DAPK2: variants seen among roughly 807,000 people sequenced by gnomAD.
The protein encoded by DAPK2 is death associated protein kinase 2, also known as death-associated protein kinase 2.
Under a neutral mutation model 44.1 loss-of-function variants are expected in DAPK2, and 35 were observed. The ratio of observed to expected loss-of-function variants is 0.79; its 90% CI spans 0.61 to 1.05. The LOEUF (loss-of-function observed/expected upper bound fraction) is 1.05, where lower values mean the gene tolerates loss of function less well. DAPK2 is among the 50% of genes least tolerant of loss of function. The pLI is 0.00. For missense variants in DAPK2, 453 were observed against 483.2 expected, an observed-to-expected ratio of 0.94 and a Z score of 0.59; for synonymous variants, 174 against 182.6, an observed-to-expected ratio of 0.95 and a Z score of 0.38.
chr15:64,036,307 G>GTATATATA (rs1233918566), intron 1 of DAPK2, among the ~76,000 whole-genome samples: 28 of 53,136 alleles, frequency 5.3e-4, no homozygotes, highest in Non-Finnish European at 9.5e-4. Flanking sequence ...GTGTGTGTGT[G>GTATATATA]TGTATATATA....
chr15:63,934,562 T>C (rs549278043), intron 4 of DAPK2, among the ~76,000 whole-genome samples: 1 of 151,970 alleles, frequency 6.6e-6, no homozygotes, highest in East Asian at 1.9e-4. Context: ...CAGCCTATTG[T>C]TTTGTTTTGT....
intron 3 of DAPK2, among the ~76,000 whole-genome samples, chr15:63,965,439 G>C (rs1298569728): frequency 1.3e-5 from 2 of 152,186 alleles, no homozygotes; most frequent in East Asian, 3.9e-4. Flanking sequence ...CTTGCCCAAG[G>C]CTTATAACAG....
At chr15:63,941,522 C>T (rs2077307143) in intron 3 of DAPK2, among the ~76,000 whole-genome samples, 1 of 152,204 alleles carries the variant, frequency 6.6e-6, no homozygotes, top group African/African-American at 2.4e-5. Flanking sequence ...TGAATCTGGA[C>T]AGATGCCTTC....
intron 1 of DAPK2, among the ~76,000 whole-genome samples, chr15:64,018,696 C>G (rs928489427): frequency 6.6e-6 from 1 of 152,218 alleles, no homozygotes; most frequent in South Asian, 2.1e-4. Flanking sequence ...AGGATCCTAC[C>G]TGTAGCTACT....
chr15:63,913,085 T>C (rs1242178739), intron 8 of DAPK2, among the ~76,000 whole-genome samples: 1 of 151,204 alleles, frequency 6.6e-6, no homozygotes, highest in African/African-American at 2.4e-5. Flanking sequence ...TTATGTTAAA[T>C]GAAAAAAGCC....
chr15:63,967,361 G>T (rs1486068461), intron 3 of DAPK2, among the ~76,000 whole-genome samples: 1 of 152,072 alleles, frequency 6.6e-6, no homozygotes, highest in African/African-American at 2.4e-5. Context: ...TCTGTCTCCT[G>T]TTTTTACCAA....
At chr15:64,031,164 T>A (rs553184927) in intron 1 of DAPK2, among the ~76,000 whole-genome samples, 1 of 152,218 alleles carries the variant, frequency 6.6e-6, no homozygotes, top group South Asian at 2.1e-4. Context: ...GAAATGGGAA[T>A]GTGATCCAAG....
At chr15:63,935,954 TATC>T (rs2077133445) in intron 4 of DAPK2, 1 of 152,242 alleles carries the variant, frequency 6.6e-6, no homozygotes, top group Admixed American at 6.5e-5. Flanking sequence ...TTTAAAGTTC[TATC>T]ATCCTGTTCT....
rs542283760 is a variant in DAPK2 at position 63,911,770 on chromosome 15, A to G, written c.1032+138T>C. On this transcript the variant is annotated intron_variant, in intron 10 of 10. Transcript: ENST00000261891. The stretch of plus-strand genomic sequence containing the variant: ...AAGATCACACTTCAGCCTTCAGGGA[A>G]GAGGAGGACTGGGCCAGCAGAACTG... 46 of 830,664 alleles carry G rather than the reference A, an allele frequency of 5.5e-5. No individual in the cohort carries two copies. In the East Asian group the frequency reaches 1.1e-3, roughly 20 times the overall value. 51.5% of individuals were successfully genotyped at this position (830,664 alleles called of 1,614,324 possible).
intron 1 of DAPK2, among the ~76,000 whole-genome samples, chr15:63,988,922 G>A (rs1245475044): frequency 1.3e-5 from 2 of 151,862 alleles, no homozygotes; most frequent in African/African-American, 4.8e-5. Context: ...GCTCACACCT[G>A]TCATCCCAGT....
intron 1 of DAPK2, among the ~76,000 whole-genome samples, chr15:63,996,226 G>C (rs1016810411): frequency 2.0e-5 from 3 of 152,154 alleles, no homozygotes; most frequent in African/African-American, 7.2e-5. Flanking sequence ...TTGAGGCCAG[G>C]AGTTGAAGAC....
chr15:64,040,875 C>G (rs981585902), upstream of DAPK2, among the ~76,000 whole-genome samples: 14 of 134,666 alleles, frequency 1.0e-4, no homozygotes, highest in Non-Finnish European at 1.7e-4. Context: ...GATCACACCA[C>G]TGCACTCCAG....
At chr15:63,993,573 G>T (rs182836529) in intron 1 of DAPK2, among the ~76,000 whole-genome samples, 229 of 151,966 alleles carry the variant, frequency 1.5e-3, no homozygotes, top group African/African-American at 5.3e-3. Context: ...CAAAATGTTT[G>T]TGAATTTTTA....
intron 2 of DAPK2, among the ~76,000 whole-genome samples, chr15:63,976,214 G>C (rs1567244965): frequency 6.6e-6 from 1 of 152,210 alleles, no homozygotes; most frequent in African/African-American, 2.4e-5. Flanking sequence ...CTAGATATGT[G>C]CTGTCCAATA....
At chr15:63,982,187 C>CTTTTTTT (rs5813271) in intron 2 of DAPK2, among the ~76,000 whole-genome samples, 1 of 107,874 alleles carries the variant, frequency 9.3e-6, no homozygotes, top group Non-Finnish European at 1.8e-5. Context: ...TCAGAATATT[C>CTTTTTTT]TTTTTTTTTT....
At chr15:63,914,265 G>A (rs2078869287) in intron 8 of DAPK2, among the ~76,000 whole-genome samples, 1 of 152,196 alleles carries the variant, frequency 6.6e-6, no homozygotes, top group African/African-American at 2.4e-5. Flanking sequence ...GGGAGTGCAT[G>A]CAACCTGGAA....
rs2078066662 is a variant in DAPK2 at position 63,966,826 on chromosome 15, G to A, written c.453+4597C>T. Among the ~76,000 whole-genome samples the A allele has an allele frequency of 6.6e-6, 1 of 152,162 alleles. No homozygotes were observed. The highest frequency in any genetic ancestry group is 1.5e-5 in the Non-Finnish European group (1 of 68,028). On this transcript the variant is annotated intron_variant, in intron 3 of 10. Transcript: ENST00000261891. The surrounding 1 kb of genome is among the most constrained non-coding windows in gnomAD (Gnocchi z 5.5). ...AGAAGATGGGGAAGGGGTGGTATAGGTGATTCAAGACTGTCTTTCCTACCC... is the reference window on the plus strand; with the variant it reads ...AGAAGATGGGGAAGGGGTGGTATAGATGATTCAAGACTGTCTTTCCTACCC...
chr15:63,945,179 CT>C (rs971461818), intron 3 of DAPK2, among the ~76,000 whole-genome samples: 1 of 152,148 alleles, frequency 6.6e-6, no homozygotes, highest in Admixed American at 6.5e-5. Context: ...AACTCCCTTA[CT>C]TCTCCCTGAG....
In DAPK2 at chr15:64,020,955, G is replaced by A. The variant is rs1056661191; in HGVS notation, c.92+19215C>T. ...CCTTGCCCAGGTGCATTAACGTATTGGTAGCCAAAGTGGGATATGAAGCAA... is the reference window on the plus strand; with the variant it reads ...CCTTGCCCAGGTGCATTAACGTATTAGTAGCCAAAGTGGGATATGAAGCAA... On this transcript the variant is annotated intron_variant, in intron 1 of 10. Coordinates refer to ENST00000261891, the Ensembl canonical transcript of DAPK2. The surrounding 1 kb of genome is among the most constrained non-coding windows in gnomAD (Gnocchi z 4.5). Among the ~76,000 whole-genome samples the A allele has an allele frequency of 1.3e-5, 2 of 152,180 alleles. No homozygotes were observed. Among genetic ancestry groups the A allele is most frequent in the Non-Finnish European group, 2.9e-5 (2 of 68,040 alleles).
Sources: gnomAD v4.1 joint callset for allele counts (sites outside exome capture counted in the v4.1 genomes callset) on GRCh38, gnomAD v4.1.1 for gene constraint, Gnocchi (gnomAD v3.1) non-coding constraint, MANE v1.5 for transcripts, NCBI Gene and HGNC (gene_info 2026-07-23, HGNC 2026-07-21) for gene names.